Variants in NOL8 observed in about 807,000 individuals in gnomAD.
NOL8 encodes nucleolar protein 8.
A neutral mutation model predicts 116.1 loss-of-function variants in NOL8; 93 were observed. The observed-to-expected ratio is 0.80, with a 90% CI of 0.68 to 0.95. The LOEUF (loss-of-function observed/expected upper bound fraction) is 0.95. Among genes scored for constraint, NOL8 ranks in the 40% least tolerant of loss-of-function variants. NOL8 has a pLI of 0.00. For synonymous variants in NOL8, 419 were observed against 469.0 expected (o/e 0.89, Z 1.38); for missense variants, 1,291 against 1,382.8 (o/e 0.93, Z 1.05).
intron 7 of NOL8, among the ~76,000 whole-genome samples, chr9:92,312,513 A>G (rs1260766854): frequency 6.6e-6 from 1 of 151,036 alleles, no homozygotes. Context: ...TGGAGGGTGG[A>G]AAGAGAGTAA....
At chr9:92,301,942 T>C in intron 12 of NOL8, 120 bp from the exon 13 acceptor site, 1 of 751,548 alleles carries the variant, frequency 1.3e-6, no homozygotes, top group Non-Finnish European at 2.0e-6. Flanking sequence ...AACCAGAATA[T>C]AAAACTCTAC....
At chr9:92,306,371 AATAC>A (rs1364091602) in intron 11 of NOL8, among the ~76,000 whole-genome samples, 1 of 152,216 alleles carries the variant, frequency 6.6e-6, no homozygotes, top group Non-Finnish European at 1.5e-5. Context: ...AACATACTAA[AATAC>A]ATACAGATAA....
At chr9:92,319,097 T>C in intron 5 of NOL8, 124 bp downstream of exon 5, 4 of 1,029,918 alleles carry the variant, frequency 3.9e-6, no homozygotes, top group Non-Finnish European at 5.5e-6. Flanking sequence ...GTCCTATCTA[T>C]GTTAATTGCC....
intron 7 of NOL8, among the ~76,000 whole-genome samples, 183 bp from the exon 8 acceptor site, chr9:92,311,442 C>CA (rs1438773705): frequency 6.6e-6 from 1 of 152,116 alleles, no homozygotes; most frequent in African/African-American, 2.4e-5. Context: ...AAAATATTTG[C>CA]AAACTATGCA....
intron 7 of NOL8, among the ~76,000 whole-genome samples, chr9:92,312,884 T>G (rs73518427): frequency 0.03 from 4,478 of 149,572 alleles, 249 homozygotes; most frequent in African/African-American, 0.1. Flanking sequence ...CTATGCTGAT[T>G]ATCTGGGTGA....
chr9:92,310,017 A>C (rs144555815), intron 10 of NOL8, among the ~76,000 whole-genome samples, 154 bp downstream of exon 10: 1 of 152,362 alleles, frequency 6.6e-6, no homozygotes, highest in Non-Finnish European at 1.5e-5. Context: ...ATGTACAAAC[A>C]AACTTAGTAT....
chr9:92,316,809 T>TA (rs965482743), intron 6 of NOL8, among the ~76,000 whole-genome samples: 3 of 152,116 alleles, frequency 2.0e-5, no homozygotes, highest in African/African-American at 7.2e-5. Flanking sequence ...AATTAAAAAT[T>TA]AAAAAAAATC....
intron 4 of NOL8, among the ~76,000 whole-genome samples, chr9:92,320,610 T>C (rs201132372): frequency 6.0e-5 from 9 of 150,850 alleles, no homozygotes; most frequent in African/African-American, 2.0e-4. Flanking sequence ...TTTTTTTTCC[T>C]TTTTTTTTGT....
chr9:92,300,168 G>GT (rs1837614480), intron 13 of NOL8, 152 bp from the exon 14 acceptor site: 1 of 1,317,618 alleles, frequency 7.6e-7, no homozygotes, highest in African/African-American at 1.5e-5. Flanking sequence ...AAAATAGGTA[G>GT]TATCATCTTT....
intron 10 of NOL8, 52 bp from the exon 11 acceptor site, chr9:92,307,076 G>A (rs1838334327): frequency 1.9e-6 from 3 of 1,547,202 alleles, no homozygotes; most frequent in Non-Finnish European, 2.6e-6. Flanking sequence ...AGCCTGAGAA[G>A]TCTCAATCAT....
chr9:92,298,814 G>A (rs1837467999), intron 15 of NOL8, 70 bp downstream of exon 15: 1 of 861,064 alleles, frequency 1.2e-6, no homozygotes, highest in Admixed American at 3.2e-5. Context: ...CAAAATTCCT[G>A]GATGTGAATT....
At chr9:92,324,420 T>C (rs1359666291) in intron 1 of NOL8, 5 of 392,068 alleles carry the variant, frequency 1.3e-5, no homozygotes, top group Admixed American at 7.9e-5. Flanking sequence ...CATACCCATA[T>C]AGACACAGGT....
intron 1 of NOL8, chr9:92,324,539 T>C (rs1840273348): frequency 6.4e-6 from 1 of 156,340 alleles, no homozygotes; most frequent in Non-Finnish European, 1.4e-5. Flanking sequence ...CATACATTCA[T>C]TTACTGTCTT....
At position 92,306,893 on chromosome 9, in the gene NOL8, T is replaced by G; in HGVS notation, c.2818A>C (p.Lys940Gln). 6.2e-7 allele frequency: 1 copy of G among 1,612,286 alleles called. No homozygotes were observed. The highest frequency in any genetic ancestry group is 1.3e-5 in the African/African-American group (1 of 74,990). ...STNRGSVAAK[K>Q]FKDIIHYDPT... is the part of the protein sequence containing the mutation. ...ATGGAACATAAAACATACTTAAATT[T>G]CTTAGCAGCTACTGATCCTCTGTTT... The change falls in exon 11 of 17, where the codon AAA becomes CAA. Residue 940 changes from lysine to glutamine, a missense_variant. Transcript: ENST00000442668.
chr9:92,324,949 G>C (rs1344924638), intron 1 of NOL8: 3 of 152,158 alleles, frequency 2.0e-5, no homozygotes, highest in Admixed American at 6.5e-5. Context: ...TCTACCTTCA[G>C]AACTTGGAAT....
intron 6 of NOL8, among the ~76,000 whole-genome samples, chr9:92,316,478 T>C (rs1839423671): frequency 6.6e-6 from 1 of 152,230 alleles, no homozygotes; most frequent in Non-Finnish European, 1.5e-5. Context: ...ATCGAACTGA[T>C]ACAGTAAAGC....
At position 92,314,831 on chromosome 9, in the gene NOL8, TTTA is replaced by T; in HGVS notation, c.1791_1793del (p.Asn597del). ...CCTCATGTTTCATGGAATTCTGATC[TTTA>T]TTGTTAGAGGCAACACTGTCTTTCA... On this transcript the variant is annotated inframe_deletion, in exon 7 of 17. Coordinates refer to ENST00000442668, the MANE Select transcript of NOL8 (RefSeq NM_017948.6). 1 of 1,613,358 alleles carries T rather than the reference TTTA, an allele frequency of 6.2e-7. No homozygotes were observed. The highest frequency in any genetic ancestry group is 8.5e-7 in the Non-Finnish European group (1 of 1,179,656).
At chr9:92,322,662 T>C (rs886187590) in intron 3 of NOL8, among the ~76,000 whole-genome samples, 1 of 152,210 alleles carries the variant, frequency 6.6e-6, no homozygotes, top group African/African-American at 2.4e-5. Flanking sequence ...ACAGAAATAT[T>C]ATGAGGCAAG....
chr9:92,323,870 T>C (rs907802933), intron 2 of NOL8, among the ~76,000 whole-genome samples, 153 bp downstream of exon 2: 1 of 152,260 alleles, frequency 6.6e-6, no homozygotes, highest in Non-Finnish European at 1.5e-5. Flanking sequence ...AAACAAATTC[T>C]GGTCAAGTTC....
Sources: gnomAD v4.1 joint callset for allele counts (sites outside exome capture counted in the v4.1 genomes callset) on GRCh38, gnomAD v4.1.1 for gene constraint, MANE v1.5 for transcripts, NCBI Gene and HGNC (gene_info 2026-07-23, HGNC 2026-07-21) for gene names.